The following CSMD1 variants were observed in gnomAD, a reference collection of about 807,000 sequenced individuals.
CSMD1 encodes the protein CUB and sushi domain-containing protein 1.
CSMD1 carries 213 observed loss-of-function variants against 417.5 expected under a neutral mutation model. That is an observed-to-expected ratio of 0.51 (90% CI 0.46 to 0.57). The LOEUF is 0.57. CSMD1 is among the 20% of genes least tolerant of loss of function. CSMD1 has a pLI of 0.00. For synonymous variants in CSMD1, 2,862 were observed against 1,736.8 expected, an observed-to-expected ratio of 1.65 and a Z score of -16.11; for missense variants, 6,923 against 4,529.7, an observed-to-expected ratio of 1.53 and a Z score of -15.17.
At chr8:4,674,434 A>T (rs1450033678) in intron 1 of CSMD1, among the ~76,000 whole-genome samples, 1 of 152,186 alleles carries the variant, frequency 6.6e-6, no homozygotes, top group Non-Finnish European at 1.5e-5. Flanking sequence ...TGATGCCAGG[A>T]TGGGAAGGTC....
In CSMD1 at chr8:2,965,947, A is replaced by T; in HGVS notation, c.9108T>A (p.Ser3036Arg). ...TGTAPDCTII[S>R]CGDPGTLANG... The stretch of plus-strand genomic sequence containing the variant: ...TTGCTAGTGTGCCTGGATCCCCACA[A>T]CTTATAACTAATAAACAGGGAACAG... Residue 3036 changes from serine (S) to arginine (R), a missense_variant, in exon 59 of 70, where the codon AGT becomes AGA. Transcript: ENST00000635120. 1 of 1,602,906 alleles carries T rather than the reference A, an allele frequency of 6.2e-7. No individual in the cohort carries two copies. The highest frequency in any genetic ancestry group is 8.5e-7 in the Non-Finnish European group (1 of 1,174,344).
chr8:3,006,155 G>C (rs1807879241), intron 52 of CSMD1, among the ~76,000 whole-genome samples: 1 of 151,292 alleles, frequency 6.6e-6, no homozygotes, highest in South Asian at 2.1e-4. Flanking sequence ...CAAATCATGA[G>C]TGAACTCCCA....
chr8:3,732,839 A>C (rs1282895079), intron 6 of CSMD1, among the ~76,000 whole-genome samples: 1 of 152,172 alleles, frequency 6.6e-6, no homozygotes, highest in Non-Finnish European at 1.5e-5. Context: ...CGAGTGATTC[A>C]AGACTATTTT....
At chr8:3,520,039 T>TATATATATATATATATACACACAC (rs545212684) in intron 10 of CSMD1, among the ~76,000 whole-genome samples, 4 of 147,110 alleles carry the variant, frequency 2.7e-5, no homozygotes, top group African/African-American at 1.0e-4. Flanking sequence ...TATATATATA[T>TATATATATATATATATACACACAC]ACACGTATAG....
In CSMD1 at chr8:4,267,405, T is replaced by C. The variant is rs1387764579; in HGVS notation, c.415+152548A>G. On this transcript the variant is annotated intron_variant, in intron 3 of 69. Coordinates refer to ENST00000635120, the MANE Select transcript of CSMD1 (RefSeq NM_033225.6). The stretch of plus-strand genomic sequence containing the variant: ...TTAACTATGAACTCTGAAAGATCTA[T>C]GTGAAGAAAATGATAAGCTTCTACA... 6.7e-5 allele frequency among the ~76,000 whole-genome samples: 3 copies of C among 45,026 alleles called. 1 individual carries two copies. The highest frequency in any genetic ancestry group is 3.4e-4 in the Non-Finnish European group (3 of 8,700). The allele number at this position is 45,026 out of a possible 152,430, so 29.5% of individuals were successfully genotyped here.
intron 1 of CSMD1, among the ~76,000 whole-genome samples, chr8:4,650,674 A>C (rs931181471): frequency 6.6e-6 from 1 of 151,864 alleles, no homozygotes; most frequent in East Asian, 1.9e-4. Flanking sequence ...AAAAAGATAC[A>C]GCTTGTAGTT....
chr8:4,321,897 T>G (rs1045698818), intron 3 of CSMD1, among the ~76,000 whole-genome samples: 1 of 152,154 alleles, frequency 6.6e-6, no homozygotes, highest in Non-Finnish European at 1.5e-5. Flanking sequence ...TTGTGATTTA[T>G]TAGACTTTTG....
intron 5 of CSMD1, among the ~76,000 whole-genome samples, chr8:3,904,828 G>A (rs368831663): frequency 2.6e-5 from 4 of 151,684 alleles, no homozygotes; most frequent in African/African-American, 9.7e-5. Context: ...GTAAAGATGG[G>A]GTTTTACCAT....
At chr8:3,983,004 C>T (rs184806674) in intron 5 of CSMD1, among the ~76,000 whole-genome samples, 1 of 152,246 alleles carries the variant, frequency 6.6e-6, no homozygotes, top group Admixed American at 6.5e-5. Flanking sequence ...TAGTTAGTAG[C>T]CCAAGACAGC....
intron 43 of CSMD1, among the ~76,000 whole-genome samples, chr8:3,109,808 G>A (rs141130124): frequency 2.7e-5 from 4 of 148,034 alleles, no homozygotes; most frequent in Admixed American, 6.7e-5. Context: ...AAACACACAC[G>A]TAAGCCACAC....
intron 18 of CSMD1, among the ~76,000 whole-genome samples, chr8:3,386,003 T>G (rs902729545): frequency 6.6e-6 from 1 of 152,194 alleles, no homozygotes; most frequent in Non-Finnish European, 1.5e-5. Context: ...ATTGTCTAAA[T>G]TCTTACTGTC....
intron 3 of CSMD1, among the ~76,000 whole-genome samples, chr8:4,070,925 T>C (rs949555137): frequency 2.0e-5 from 3 of 152,250 alleles, no homozygotes; most frequent in Non-Finnish European, 2.9e-5. Context: ...TGTTGTTTTC[T>C]ATGGATGGCC....
intron 11 of CSMD1, among the ~76,000 whole-genome samples, chr8:3,489,363 C>G (rs951624032): frequency 6.6e-6 from 1 of 152,132 alleles, no homozygotes; most frequent in African/African-American, 2.4e-5. Context: ...CATAGAGGGA[C>G]GGGCATTTTA....
intron 1 of CSMD1, among the ~76,000 whole-genome samples, chr8:4,836,500 T>C (rs1393974645): frequency 6.6e-6 from 1 of 152,188 alleles, no homozygotes; most frequent in East Asian, 1.9e-4. Context: ...ACAGCTAACA[T>C]GAATCATGCA....
intron 5 of CSMD1, among the ~76,000 whole-genome samples, chr8:3,971,479 T>TA (rs1427015191): frequency 1.3e-5 from 2 of 152,234 alleles, no homozygotes; most frequent in Non-Finnish European, 2.9e-5. Context: ...TTGACAACTT[T>TA]AAAAAATCTA....
intron 54 of CSMD1, among the ~76,000 whole-genome samples, chr8:2,997,428 C>A (rs944722974): frequency 5.3e-5 from 8 of 152,180 alleles, no homozygotes; most frequent in Non-Finnish European, 7.3e-5. Context: ...TCAATTTCAT[C>A]TTAATACCAT....
At chr8:4,168,225 A>G (rs928456209) in intron 3 of CSMD1, among the ~76,000 whole-genome samples, 36 of 151,848 alleles carry the variant, frequency 2.4e-4, no homozygotes, top group African/African-American at 8.7e-4. Context: ...ACACATATAT[A>G]CACAAACACA....
intron 5 of CSMD1, among the ~76,000 whole-genome samples, chr8:3,994,776 A>C (rs994443157): frequency 1.3e-5 from 2 of 152,232 alleles, no homozygotes; most frequent in Non-Finnish European, 2.9e-5. Flanking sequence ...CCCTGACTTA[A>C]AACATAGCTC....
intron 8 of CSMD1, among the ~76,000 whole-genome samples, chr8:3,611,984 CAGTT>C (rs537233996): frequency 5.8e-4 from 89 of 152,198 alleles, no homozygotes; most frequent in African/African-American, 2.0e-3. Context: ...ATAATATACT[CAGTT>C]ATTTGAAAAG....
Sources: allele counts gnomAD v4.1 joint callset (sites outside exome capture counted in the v4.1 genomes callset), GRCh38; gene constraint gnomAD v4.1.1; transcripts MANE v1.5; gene names NCBI Gene and HGNC (gene_info 2026-07-23, HGNC 2026-07-21).